PLS1: variants seen among roughly 807,000 people sequenced by gnomAD.
PLS1 encodes plastin-1.
PLS1 carries 32 observed loss-of-function variants against 73.7 expected under a neutral mutation model. That is an observed-to-expected ratio of 0.43 (90% confidence interval 0.33 to 0.58). PLS1 has a LOEUF of 0.58. Ranked by LOEUF, PLS1 falls within the 20% of genes least tolerant of loss-of-function variation. PLS1 has a pLI of 0.04. For synonymous variants in PLS1, 217 were observed against 261.3 expected (o/e 0.83, Z 1.63); for missense variants, 633 against 740.5 (o/e 0.85, Z 1.68).
At chr3:142,649,669 T>A (rs1418456401) in intron 1 of PLS1, among the ~76,000 whole-genome samples, 1 of 151,948 alleles carries the variant, frequency 6.6e-6, no homozygotes, top group Non-Finnish European at 1.5e-5. Context: ...GAAGAATTTT[T>A]CTGAATGAAG....
chr3:142,633,527 G>C (rs193001093), intron 1 of PLS1, among the ~76,000 whole-genome samples: 2,928 of 152,200 alleles, frequency 0.019, 42 homozygotes, highest in Middle Eastern at 0.031. Context: ...GTGGTGGCAG[G>C]CACCTGTAAT....
At chr3:142,660,276 C>T (rs924056352) in intron 1 of PLS1, among the ~76,000 whole-genome samples, 2 of 152,208 alleles carry the variant, frequency 1.3e-5, no homozygotes, top group Middle Eastern at 3.2e-3. Context: ...CTGATACCAT[C>T]ACTCTCCCTG....
intron 9 of PLS1, among the ~76,000 whole-genome samples, chr3:142,687,676 T>C (rs936094231): frequency 6.6e-6 from 1 of 152,200 alleles, no homozygotes; most frequent in African/African-American, 2.4e-5. Context: ...ATCTCGTTTA[T>C]TCCCTATTTC....
chr3:142,670,885 T>G (rs2037590644), intron 3 of PLS1, 108 bp from the exon 4 acceptor site: 1 of 685,934 alleles, frequency 1.5e-6, no homozygotes, highest in Non-Finnish European at 2.4e-6. Flanking sequence ...TACAACTGAC[T>G]AGTATTTAAT....
At chr3:142,604,676 T>C (rs189844324) in intron 1 of PLS1, among the ~76,000 whole-genome samples, 145 of 152,352 alleles carry the variant, frequency 9.5e-4, no homozygotes, top group Admixed American at 2.2e-3. Context: ...GGCTCACGCC[T>C]GTAATCCCAG....
chr3:142,649,723 A>T (rs1187497759), intron 1 of PLS1, among the ~76,000 whole-genome samples: 1 of 150,846 alleles, frequency 6.6e-6, no homozygotes, highest in East Asian at 1.9e-4. Context: ...GTCTAGGTCT[A>T]GAGACCCTTA....
intron 1 of PLS1, among the ~76,000 whole-genome samples, chr3:142,634,845 C>T (rs1296949645): frequency 1.3e-5 from 2 of 151,584 alleles, no homozygotes; most frequent in Admixed American, 1.3e-4. Context: ...ATTTTAAAAG[C>T]CAGTTGTTTT....
chr3:142,644,088 A>G (rs1309810732), intron 1 of PLS1, among the ~76,000 whole-genome samples: 1 of 152,048 alleles, frequency 6.6e-6, no homozygotes, highest in African/African-American at 2.4e-5. Context: ...TCAGTCTCCC[A>G]AAGTGTTGGG....
At chr3:142,619,152 G>A (rs916039553) in intron 1 of PLS1, among the ~76,000 whole-genome samples, 1 of 152,156 alleles carries the variant, frequency 6.6e-6, no homozygotes, top group Non-Finnish European at 1.5e-5. Context: ...TGAAAAGGAT[G>A]TTTCAGGGCT....
chr3:142,679,372 G>A (rs2037798479), intron 6 of PLS1, among the ~76,000 whole-genome samples: 1 of 150,044 alleles, frequency 6.7e-6, no homozygotes, highest in East Asian at 1.9e-4. Flanking sequence ...GAATGGTAAT[G>A]CCTAGGTTTT....
chr3:142,668,452 C>T (rs373539811), intron 2 of PLS1, among the ~76,000 whole-genome samples: 15 of 152,228 alleles, frequency 9.9e-5, no homozygotes, highest in African/African-American at 2.9e-4. Context: ...CCAAATGAAA[C>T]GTAGAACACA....
intron 2 of PLS1, among the ~76,000 whole-genome samples, chr3:142,667,837 C>T (rs1412395930): frequency 1.3e-5 from 2 of 152,148 alleles, no homozygotes; most frequent in African/African-American, 4.8e-5. Context: ...CTGAACTGGT[C>T]ATGTAATGAG....
chr3:142,707,789 G>C (rs2038495082), intron 14 of PLS1, among the ~76,000 whole-genome samples: 1 of 152,200 alleles, frequency 6.6e-6, no homozygotes, highest in Non-Finnish European at 1.5e-5. Flanking sequence ...AAGAATCACA[G>C]TATGGGGTGT....
chr3:142,673,105 C>CT (rs1433857903), intron 4 of PLS1, among the ~76,000 whole-genome samples: 4 of 152,190 alleles, frequency 2.6e-5, no homozygotes, highest in Admixed American at 2.0e-4. Context: ...TACTTCATTC[C>CT]TTTTTTTCTG....
At chr3:142,615,171 T>C (rs1001082550) in intron 1 of PLS1, among the ~76,000 whole-genome samples, 3 of 152,088 alleles carry the variant, frequency 2.0e-5, no homozygotes, top group African/African-American at 7.2e-5. Flanking sequence ...AGGAAGCTGT[T>C]GAGGCAGCCA....
chr3:142,670,532 C>T (rs2037583141), intron 3 of PLS1, among the ~76,000 whole-genome samples: 1 of 152,176 alleles, frequency 6.6e-6, no homozygotes, highest in Non-Finnish European at 1.5e-5. Flanking sequence ...TGAATTGAGT[C>T]TTGCCAATCT....
At chr3:142,682,414 G>C (rs1236931561) in intron 6 of PLS1, among the ~76,000 whole-genome samples, 4 of 152,184 alleles carry the variant, frequency 2.6e-5, no homozygotes, top group African/African-American at 7.2e-5. Flanking sequence ...AGCACACAAG[G>C]TCATATTAAT....
At chr3:142,702,939 G>A (rs1167240099) in intron 12 of PLS1, among the ~76,000 whole-genome samples, 1 of 152,126 alleles carries the variant, frequency 6.6e-6, no homozygotes, top group African/African-American at 2.4e-5. Context: ...TTGTTGAAAG[G>A]AAACACATAC....
intron 3 of PLS1, among the ~76,000 whole-genome samples, chr3:142,670,392 A>T (rs1406149461): frequency 4.6e-5 from 7 of 152,202 alleles, no homozygotes; most frequent in Non-Finnish European, 5.9e-5. Context: ...ACACAGGGCC[A>T]TGTCGAATTT....
Sources: gnomAD v4.1 joint callset for allele counts (sites outside exome capture counted in the v4.1 genomes callset) on GRCh38, gnomAD v4.1.1 for gene constraint, MANE v1.5 for transcripts, NCBI Gene and HGNC (gene_info 2026-07-23, HGNC 2026-07-21) for gene names.